The following EIF4G3 variants were observed in gnomAD, a reference collection of about 807,000 sequenced individuals.
EIF4G3 encodes eIF-4-gamma 3.
EIF4G3 carries 34 observed loss-of-function variants against 186.4 expected under a neutral mutation model. That is an observed-to-expected ratio of 0.18 (90% CI 0.14 to 0.24). The LOEUF is 0.24. Ranked by LOEUF, EIF4G3 falls within the 10% of genes least tolerant of loss-of-function variation. The pLI is 1.00. For missense variants in EIF4G3, 1,536 were observed against 1,948.5 expected, an observed-to-expected ratio of 0.79 and a Z score of 3.99; for synonymous variants, 673 against 679.5, an observed-to-expected ratio of 0.99 and a Z score of 0.15.
intron 13 of EIF4G3, 38 bp downstream of exon 13, chr1:20,949,965 A>G: frequency 1.3e-6 from 2 of 1,524,428 alleles, no homozygotes; most frequent in Non-Finnish European, 9.1e-7. Flanking sequence ...TAAAAAAGAG[A>G]CTAAAGATAA....
rs751003279 is a variant in EIF4G3 at position 20,851,385 on chromosome 1, G to C, written c.3645C>G (p.Asp1215Glu). Reference protein sequence around the residue: ...NTFMRGGSSKDLLDNQSQEEQ... With the variant: ...NTFMRGGSSKELLDNQSQEEQ... Reference sequence around the variant, plus strand: ...CTTCTTGAGACTGATTGTCTAGCAGGTCTTTACTGCTGCCACCCCTCATGA... The same window carrying C: ...CTTCTTGAGACTGATTGTCTAGCAGCTCTTTACTGCTGCCACCCCTCATGA... Residue 1215 changes from aspartate to glutamate, a missense_variant, in exon 28 of 37, where the codon GAC becomes GAG. By Grantham distance (45) the Asp-to-Glu change is conservative. This residue lies in a region of EIF4G3 where 395 missense variants were observed against 498.9 expected (regional missense o/e 0.79). Coordinates refer to ENST00000602326, the MANE Select transcript of EIF4G3 (RefSeq NM_001391906.1). 3.1e-6 allele frequency: 5 copies of C among 1,614,086 alleles called. No homozygotes were observed. Among genetic ancestry groups the C allele is most frequent in the Non-Finnish European group, 4.2e-6 (5 of 1,180,026 alleles).
At chr1:21,051,791 A>G (rs965993756) in intron 3 of EIF4G3, among the ~76,000 whole-genome samples, 2 of 152,188 alleles carry the variant, frequency 1.3e-5, no homozygotes, top group African/African-American at 4.8e-5. Context: ...TGGGCCCAGG[A>G]GTTCAAGGCT....
intron 12 of EIF4G3, among the ~76,000 whole-genome samples, chr1:20,964,536 ACAG>A (rs950774320): frequency 1.1e-4 from 16 of 152,216 alleles, no homozygotes; most frequent in Non-Finnish European, 2.1e-4. Context: ...TAGGGTAAAA[ACAG>A]CAGCAGCAAA....
chr1:21,109,135 T>C (rs573143175), intron 2 of EIF4G3, among the ~76,000 whole-genome samples: 1 of 152,180 alleles, frequency 6.6e-6, no homozygotes, highest in East Asian at 1.9e-4. Flanking sequence ...CAACAATTGC[T>C]TGAACCTGGC....
chr1:20,824,756 C>T (rs1007193196), intron 33 of EIF4G3, among the ~76,000 whole-genome samples: 59 of 152,162 alleles, frequency 3.9e-4, no homozygotes, highest in African/African-American at 1.4e-3. Context: ...TCTCCATTCC[C>T]CACAGAATAA....
Position 20,886,181 on chromosome 1 carries a change from G to A in EIF4G3, c.2424+20C>T. ...TCAATATAATTTCAAAAGAATGTTA[G>A]GATATGCTTTTGTTCTCACCTGGGT... On this transcript the variant is annotated intron_variant, in intron 19 of 36. Coordinates refer to ENST00000602326, the MANE Select transcript of EIF4G3 (RefSeq NM_001391906.1). 1 of 1,595,644 alleles carries A rather than the reference G, an allele frequency of 6.3e-7. No homozygotes were observed. The highest frequency in any genetic ancestry group is 8.5e-7 in the Non-Finnish European group (1 of 1,173,042).
chr1:21,148,033 T>G (rs544548319), intron 2 of EIF4G3, among the ~76,000 whole-genome samples: 1 of 152,332 alleles, frequency 6.6e-6, no homozygotes, highest in African/African-American at 2.4e-5. Flanking sequence ...TCTGAAATAT[T>G]GAAAAGCATT....
rs536170104 is a variant in EIF4G3, at chr1:20,874,173, T to C, written c.2622+5150A>G. ...CACACGTGTGCATGTGTCTTTATAG[T>C]AGAATGATTTATATTCTTTTGATTA... On this transcript the variant is annotated intron_variant, in intron 20 of 36. Coordinates refer to ENST00000602326, the MANE Select transcript of EIF4G3 (RefSeq NM_001391906.1). Among the ~76,000 whole-genome samples, 66 of 152,218 alleles carry C rather than the reference T, an allele frequency of 4.3e-4. 1 individual carries two copies.
intron 30 of EIF4G3, among the ~76,000 whole-genome samples, chr1:20,832,726 G>C (rs1392495290): frequency 1.1e-3 from 158 of 145,894 alleles, no homozygotes; most frequent in Admixed American, 3.3e-3. Flanking sequence ...TTTTCTTCTA[G>C]GGTTTTTATG....
At chr1:21,133,386 G>A (rs564806624) in intron 2 of EIF4G3, among the ~76,000 whole-genome samples, 4 of 151,964 alleles carry the variant, frequency 2.6e-5, no homozygotes, top group Non-Finnish European at 2.9e-5. Flanking sequence ...CACCACGCCC[G>A]GCTAATTTTT....
At chr1:20,994,610 A>AT (rs2081879723) in intron 7 of EIF4G3, among the ~76,000 whole-genome samples, 1 of 150,416 alleles carries the variant, frequency 6.6e-6, no homozygotes, top group Non-Finnish European at 1.5e-5. Flanking sequence ...TAAATAATAA[A>AT]TATAATAAAC....
intron 14 of EIF4G3, among the ~76,000 whole-genome samples, chr1:20,917,756 C>G (rs2094047202): frequency 6.6e-6 from 1 of 151,926 alleles, no homozygotes; most frequent in East Asian, 1.9e-4. Flanking sequence ...GTACATTAAC[C>G]TTACATCAAC....
chr1:20,873,350 A>G (rs1207568542), intron 20 of EIF4G3, among the ~76,000 whole-genome samples: 3 of 152,212 alleles, frequency 2.0e-5, no homozygotes, highest in Non-Finnish European at 4.4e-5. Context: ...CATATGAGAT[A>G]TGTATGTTTA....
rs748698088 is a variant in EIF4G3, at chr1:20,817,520, A to C, written c.4387T>G (p.Ser1463Ala). The change falls in exon 34 of 37, where the codon TCT becomes GCT. Residue 1463 changes from serine to alanine, a missense_variant. By Grantham distance (99) the Ser-to-Ala change is moderately conservative (BLOSUM62 1). Around this residue, in one of 11 missense-constraint regions of EIF4G3, gnomAD observed 395 missense variants for 498.9 expected, o/e 0.79. Coordinates refer to ENST00000602326, the MANE Select transcript of EIF4G3 (RefSeq NM_001391906.1). ...GCTTCAGAGGAACAGGGACTGTCAGACTCTATGAAGTCCAACTTCTGAAAC... is the reference window on the plus strand; with the variant it reads ...GCTTCAGAGGAACAGGGACTGTCAGCCTCTATGAAGTCCAACTTCTGAAAC... ...LLEQKLDFIE[S>A]DSPCSSEALS... 1.1e-5 allele frequency: 17 copies of C among 1,600,016 alleles called. 1 individual carries two copies. In the Admixed American group the frequency reaches 2.0e-4, roughly 19 times the overall value.
chr1:20,862,418 T>C (rs1011735660), intron 22 of EIF4G3, 86 bp from the exon 23 acceptor site: 1 of 843,904 alleles, frequency 1.2e-6, no homozygotes, highest in Admixed American at 2.8e-5. Flanking sequence ...TATGTAGTTA[T>C]CTATTTATTT....
At chr1:21,035,554 G>C (rs1426548047) in intron 4 of EIF4G3, among the ~76,000 whole-genome samples, 1 of 152,236 alleles carries the variant, frequency 6.6e-6, no homozygotes, top group East Asian at 1.9e-4. Context: ...GGGCACTGTT[G>C]CAGCCCAGCC....
At chr1:20,843,410 G>A (rs1335481261) in intron 29 of EIF4G3, among the ~76,000 whole-genome samples, 2 of 151,944 alleles carry the variant, frequency 1.3e-5, no homozygotes, top group South Asian at 2.1e-4. Flanking sequence ...TCAGCCACTC[G>A]GGAGGCTGAG....
intron 35 of EIF4G3, among the ~76,000 whole-genome samples, chr1:20,811,856 G>A (rs2059304832): frequency 2.8e-5 from 1 of 36,154 alleles, no homozygotes; most frequent in Non-Finnish European, 7.1e-5. Flanking sequence ...TTTAAAAAAA[G>A]CAACATAAAA....
At chr1:20,816,061 C>T (rs1227065961) in intron 34 of EIF4G3, among the ~76,000 whole-genome samples, 2 of 115,622 alleles carry the variant, frequency 1.7e-5, no homozygotes, top group Non-Finnish European at 3.7e-5. Context: ...GGGGGGTCAG[C>T]CCCCCGCCCG....
Sources: gnomAD v4.1 joint callset for allele counts (sites outside exome capture counted in the v4.1 genomes callset) on GRCh38, gnomAD v4.1.1 for gene constraint, gnomAD v4.1.1 regional missense constraint, MANE v1.5 for transcripts, NCBI Gene and HGNC (gene_info 2026-07-23, HGNC 2026-07-21) for gene names.